The following SLC25A26 variants were observed in gnomAD, a reference collection of about 807,000 sequenced individuals.
SLC25A26 encodes the protein solute carrier family 25 member 26, also known as mitochondrial S-adenosylmethionine carrier protein.
Under a neutral mutation model 37.8 loss-of-function variants are expected in SLC25A26, and 36 were observed. The ratio of observed to expected loss-of-function variants is 0.95; its 90% CI spans 0.73 to 1.26. The LOEUF is 1.26. Ranked by LOEUF, SLC25A26 falls within the 50% of genes most tolerant of loss-of-function variation. The pLI, the probability that SLC25A26 is intolerant of heterozygous loss-of-function variation, is 0.00. For missense variants in SLC25A26, 390 were observed against 331.1 expected, an observed-to-expected ratio of 1.18 and a Z score of -1.38; for synonymous variants, 129 against 122.5, an observed-to-expected ratio of 1.05 and a Z score of -0.35.
intron 5 of SLC25A26, among the ~76,000 whole-genome samples, chr3:66,324,572 C>G (rs1369554817): frequency 6.6e-6 from 1 of 152,110 alleles, no homozygotes; most frequent in Non-Finnish European, 1.5e-5. Context: ...TATCTGGTCC[C>G]TAAGCAAGGA....
chr3:66,219,216 C>A (rs943431032), upstream of SLC25A26, among the ~76,000 whole-genome samples: 2 of 151,992 alleles, frequency 1.3e-5, no homozygotes, highest in Non-Finnish European at 2.9e-5. Context: ...AGGAGGCTGC[C>A]GGTGAGGGTT....
At chr3:66,261,969 A>G (rs1460061917) in intron 3 of SLC25A26, 82 bp from the exon 4 acceptor site, 1 of 758,456 alleles carries the variant, frequency 1.3e-6, no homozygotes, top group South Asian at 1.6e-5. Flanking sequence ...ATACCTTTTT[A>G]CTACAATTTT....
chr3:66,159,272 G>C (rs1281355928), intron 1 of SLC25A26, among the ~76,000 whole-genome samples: 1 of 152,176 alleles, frequency 6.6e-6, no homozygotes, highest in Non-Finnish European at 1.5e-5. Flanking sequence ...GTTCCTTCTA[G>C]GGAATGCTAG....
chr3:66,302,420 T>C (rs1295543547), intron 5 of SLC25A26, among the ~76,000 whole-genome samples: 9 of 152,350 alleles, frequency 5.9e-5, no homozygotes, highest in Admixed American at 5.9e-4. Flanking sequence ...TAGCGGCTGC[T>C]TGTTTTGACA....
At chr3:66,211,522 G>A (rs1268042817) in intron 1 of SLC25A26, among the ~76,000 whole-genome samples, 10 of 152,164 alleles carry the variant, frequency 6.6e-5, no homozygotes, top group African/African-American at 2.4e-4. Context: ...TGCACTTATT[G>A]CTGCCTCCCC....
intron 1 of SLC25A26, among the ~76,000 whole-genome samples, chr3:66,170,802 T>G (rs1002351640): frequency 8.7e-5 from 11 of 125,868 alleles, no homozygotes; most frequent in African/African-American, 3.5e-4. Flanking sequence ...TTTTTTTTTT[T>G]TTTTTTTTTT....
chr3:66,256,374 T>G (rs1004527790), intron 3 of SLC25A26, among the ~76,000 whole-genome samples: 8 of 152,196 alleles, frequency 5.3e-5, no homozygotes, highest in African/African-American at 1.9e-4. Flanking sequence ...TATTTTAAAT[T>G]AGCCCTTTTA....
intron 5 of SLC25A26, among the ~76,000 whole-genome samples, chr3:66,318,870 T>C (rs2075615074): frequency 6.6e-6 from 1 of 151,966 alleles, no homozygotes; most frequent in South Asian, 2.1e-4. Flanking sequence ...GGCTGGTGTC[T>C]AACTCCTGGA....
intron 1 of SLC25A26, among the ~76,000 whole-genome samples, chr3:66,143,582 C>T (rs973748599): frequency 2.6e-5 from 4 of 151,710 alleles, no homozygotes; most frequent in Non-Finnish European, 4.4e-5. Flanking sequence ...TGAGGTCCCT[C>T]GTTTAAAAAA....
chr3:66,295,999 C>T (rs931410399), intron 5 of SLC25A26, among the ~76,000 whole-genome samples: 9 of 151,886 alleles, frequency 5.9e-5, no homozygotes, highest in African/African-American at 2.2e-4. Flanking sequence ...CACCTGTAAT[C>T]CCAGCTACTC....
intron 5 of SLC25A26, among the ~76,000 whole-genome samples, chr3:66,269,828 C>T (rs1478012593): frequency 6.6e-6 from 1 of 151,978 alleles, no homozygotes; most frequent in East Asian, 1.9e-4. Context: ...TTTGATTTAC[C>T]TTGTTCTCTT....
chr3:66,167,773 G>C lies in SLC25A26; in HGVS notation c.-354+33789G>C, dbSNP rs556216998. 2.6e-5 allele frequency among the ~76,000 whole-genome samples: 4 copies of C among 152,220 alleles called. No homozygotes were observed. In the East Asian group the frequency reaches 7.7e-4, roughly 29 times the overall value. On this transcript the variant is annotated intron_variant, in intron 1 of 10. Transcript: ENST00000676754. ...TCCATTTTCTTTCCCTTGACATTAA[G>C]CTAATGCATTTCATCTAGTAAATTT... is the stretch of plus-strand genomic sequence containing the variant.
chr3:66,164,667 G>T (rs961933455), intron 1 of SLC25A26, among the ~76,000 whole-genome samples: 1 of 152,178 alleles, frequency 6.6e-6, no homozygotes, highest in African/African-American at 2.4e-5. Context: ...TGTAATATAT[G>T]ATCTGTGTTG....
At chr3:66,140,345 G>A (rs1167980529) in intron 1 of SLC25A26, among the ~76,000 whole-genome samples, 1 of 152,152 alleles carries the variant, frequency 6.6e-6, no homozygotes, top group Non-Finnish European at 1.5e-5. Flanking sequence ...CCTGAGTTTA[G>A]GGCAGGGGTT....
At chr3:66,350,598 A>G (rs963035636) in intron 6 of SLC25A26, among the ~76,000 whole-genome samples, 4 of 152,218 alleles carry the variant, frequency 2.6e-5, no homozygotes, top group Admixed American at 2.0e-4. Context: ...TCAGGAACAT[A>G]TAACTTTCTA....
At chr3:66,282,934 A>G (rs536523868) in intron 5 of SLC25A26, among the ~76,000 whole-genome samples, 9 of 152,330 alleles carry the variant, frequency 5.9e-5, no homozygotes, top group South Asian at 2.1e-4. Flanking sequence ...TTTAAATGGC[A>G]TTACAGAATA....
intron 1 of SLC25A26, among the ~76,000 whole-genome samples, chr3:66,210,913 C>T (rs955510695): frequency 6.6e-6 from 1 of 152,276 alleles, no homozygotes; most frequent in Admixed American, 6.5e-5. Context: ...AGTCAGGGGC[C>T]AGATCACTCA....
chr3:66,229,858 C>T (rs147885101), intron 1 of SLC25A26, among the ~76,000 whole-genome samples: 2,319 of 148,156 alleles, frequency 0.016, 67 homozygotes, highest in African/African-American at 0.053. Flanking sequence ...TTGAGAATAG[C>T]CTCACTAAAA....
At chr3:66,374,446 C>T (rs988817619) in intron 9 of SLC25A26, among the ~76,000 whole-genome samples, 1 of 152,204 alleles carries the variant, frequency 6.6e-6, no homozygotes, top group African/African-American at 2.4e-5. Flanking sequence ...TGGGTTCGGG[C>T]TGTGTCTCCA....
Sources: gnomAD v4.1 joint callset for allele counts (sites outside exome capture counted in the v4.1 genomes callset) on GRCh38, gnomAD v4.1.1 for gene constraint, MANE v1.5 for transcripts, NCBI Gene and HGNC (gene_info 2026-07-23, HGNC 2026-07-21) for gene names.